FOXP1: variants seen among roughly 807,000 people sequenced by gnomAD.
FOXP1 encodes forkhead box P1, also known as forkhead box protein P1.
FOXP1 carries 15 observed loss-of-function variants against 98.2 expected under a neutral mutation model. The observed-to-expected ratio is 0.15, with a 90% CI of 0.10 to 0.24. The LOEUF (loss-of-function observed/expected upper bound fraction) is 0.24. Ranked by LOEUF, FOXP1 falls within the 10% of genes least tolerant of loss-of-function variation. The pLI, the probability that FOXP1 is intolerant of heterozygous loss-of-function variation, is 1.00. For missense variants in FOXP1, 633 were observed against 848.5 expected (o/e 0.75, Z 3.15); for synonymous variants, 371 against 314.5 (o/e 1.18, Z -1.90).
chr3:71,015,975 T>C (rs2044410779), intron 11 of FOXP1, among the ~76,000 whole-genome samples: 1 of 152,198 alleles, frequency 6.6e-6, no homozygotes, highest in South Asian at 2.1e-4. Context: ...TTATTTAATC[T>C]ACATAATGAA....
chr3:71,337,442 T>A (rs1671459386), intron 4 of FOXP1, among the ~76,000 whole-genome samples: 1 of 152,226 alleles, frequency 6.6e-6, no homozygotes, highest in South Asian at 2.1e-4. Flanking sequence ...GGTTCAGAAC[T>A]GATCTGTGCG....
chr3:71,340,627 C>T (rs188638610), intron 4 of FOXP1, among the ~76,000 whole-genome samples: 42 of 152,126 alleles, frequency 2.8e-4, no homozygotes, highest in African/African-American at 9.6e-5. Flanking sequence ...ATAGTGGAGA[C>T]GAAACAATGA....
chr3:71,093,515 T>G (rs1426391036), intron 7 of FOXP1, among the ~76,000 whole-genome samples: 1 of 143,118 alleles, frequency 7.0e-6, no homozygotes, highest in Non-Finnish European at 1.6e-5. Context: ...GAACAGAACT[T>G]GAAATGTGGC....
intron 4 of FOXP1, chr3:71,334,004 A>G (rs2107740242): frequency 6.6e-6 from 1 of 152,326 alleles, no homozygotes; most frequent in East Asian, 1.9e-4. Context: ...AAAAAAAACT[A>G]GAAGGTTAAA....
At chr3:71,201,004 G>A (rs978259039) in intron 5 of FOXP1, among the ~76,000 whole-genome samples, 2 of 152,196 alleles carry the variant, frequency 1.3e-5, no homozygotes, top group African/African-American at 4.8e-5. Flanking sequence ...AGTGGATTGA[G>A]AATGGCATTT....
chr3:71,267,469 T>C (rs1043836909), intron 5 of FOXP1, among the ~76,000 whole-genome samples: 3 of 152,110 alleles, frequency 2.0e-5, no homozygotes, highest in Admixed American at 2.0e-4. Context: ...TGACTGAGCA[T>C]AGAACTGCAT....
At chr3:71,230,967 G>C (rs572588085) in intron 5 of FOXP1, among the ~76,000 whole-genome samples, 103 of 152,228 alleles carry the variant, frequency 6.8e-4, no homozygotes, top group Middle Eastern at 3.4e-3. Context: ...CCAGAGAACG[G>C]GAAAAAATTC....
At chr3:71,154,046 C>G (rs950101829) in intron 6 of FOXP1, among the ~76,000 whole-genome samples, 1 of 152,070 alleles carries the variant, frequency 6.6e-6, no homozygotes, top group Non-Finnish European at 1.5e-5. Flanking sequence ...TCTCATATAA[C>G]TCTATGGAAT....
intron 6 of FOXP1, among the ~76,000 whole-genome samples, chr3:71,143,364 T>G (rs546292213): frequency 1.3e-5 from 2 of 152,224 alleles, no homozygotes; most frequent in South Asian, 4.1e-4. Context: ...TGGGAAAAAG[T>G]GAAAGGAGGT....
chr3:71,533,983 G>C (rs1578055384), intron 2 of FOXP1, among the ~76,000 whole-genome samples: 1 of 152,304 alleles, frequency 6.6e-6, no homozygotes, highest in East Asian at 1.9e-4. Flanking sequence ...AATCACAGTT[G>C]TCCGTCTGTA....
chr3:71,183,213 G>T (rs1327553517), intron 6 of FOXP1, among the ~76,000 whole-genome samples: 1 of 152,116 alleles, frequency 6.6e-6, no homozygotes, highest in Non-Finnish European at 1.5e-5. Context: ...CCAAAAGTTG[G>T]CCATGCATGG....
Position 70,972,109 on chromosome 3 carries a change from C to T in FOXP1, c.1652+446G>A, listed in dbSNP as rs140157154. ...GTTTAAACTCTTCATCATCAACTGTCCAAAAGGACCCAAACTCATCCTCTA... is the reference window on the plus strand; with the variant it reads ...GTTTAAACTCTTCATCATCAACTGTTCAAAAGGACCCAAACTCATCCTCTA... On this transcript the variant is annotated intron_variant, in intron 18 of 20. Transcript: ENST00000649528. The T allele has an allele frequency of 5.8e-5, 89 of 1,533,482 alleles. No individual in the cohort carries two copies. The highest frequency in any genetic ancestry group is 7.2e-5 in the Non-Finnish European group (83 of 1,146,084). The allele number at this position is 1,533,482 out of a possible 1,614,324, so 95.0% of individuals were successfully genotyped here.
At chr3:71,278,665 C>G (rs1292052320) in intron 5 of FOXP1, among the ~76,000 whole-genome samples, 2 of 152,148 alleles carry the variant, frequency 1.3e-5, no homozygotes, top group African/African-American at 4.8e-5. Flanking sequence ...CCTGTAATCA[C>G]AGCTATGCAG....
intron 4 of FOXP1, among the ~76,000 whole-genome samples, chr3:71,305,342 A>G (rs1175188019): frequency 6.6e-6 from 1 of 152,132 alleles, no homozygotes; most frequent in African/African-American, 2.4e-5. Context: ...CCCCCCAGCA[A>G]GATCAGATTT....
At chr3:71,436,393 G>A (rs537039851) in intron 3 of FOXP1, among the ~76,000 whole-genome samples, 4 of 152,210 alleles carry the variant, frequency 2.6e-5, no homozygotes, top group South Asian at 4.1e-4. Context: ...CTGTGCCGCC[G>A]AACTTGTGGT....
chr3:71,050,166 A>G (rs192760123), intron 9 of FOXP1, among the ~76,000 whole-genome samples: 1 of 152,236 alleles, frequency 6.6e-6, no homozygotes, highest in African/African-American at 2.4e-5. Context: ...AGGGACCACT[A>G]TCATCTTTGT....
At chr3:71,128,709 C>T (rs1467611913) in intron 6 of FOXP1, among the ~76,000 whole-genome samples, 1 of 152,010 alleles carries the variant, frequency 6.6e-6, no homozygotes, top group African/African-American at 2.4e-5. Context: ...ACCACACAGT[C>T]GAACTACTGA....
intron 2 of FOXP1, among the ~76,000 whole-genome samples, chr3:71,515,163 C>A (rs1044499744): frequency 6.6e-6 from 1 of 152,050 alleles, no homozygotes; most frequent in East Asian, 1.9e-4. Context: ...CTCTCATAAC[C>A]AAAACAGGCC....
chr3:71,473,590 T>C (rs745988265), intron 3 of FOXP1, among the ~76,000 whole-genome samples: 54 of 152,144 alleles, frequency 3.5e-4, no homozygotes, highest in Non-Finnish European at 6.5e-4. Flanking sequence ...GAGTCATAGA[T>C]ACAACTGATG....
Sources: gnomAD v4.1 joint callset for allele counts (sites outside exome capture counted in the v4.1 genomes callset) on GRCh38, gnomAD v4.1.1 for gene constraint, MANE v1.5 for transcripts, NCBI Gene and HGNC (gene_info 2026-07-23, HGNC 2026-07-21) for gene names.